The following CMSS1 variants were observed in gnomAD, a reference collection of about 807,000 sequenced individuals.
The protein encoded by CMSS1 is protein CMSS1.
Under a neutral mutation model 43.5 loss-of-function variants are expected in CMSS1, and 33 were observed. The ratio of observed to expected loss-of-function variants is 0.76; its 90% confidence interval spans 0.57 to 1.01. CMSS1 has a LOEUF of 1.01. CMSS1 is among the 50% of genes least tolerant of loss of function. The pLI is 0.00. For synonymous variants in CMSS1, 115 were observed against 117.2 expected, an observed-to-expected ratio of 0.98 and a Z score of 0.12; for missense variants, 313 against 326.4, an observed-to-expected ratio of 0.96 and a Z score of 0.32.
intron 1 of CMSS1, among the ~76,000 whole-genome samples, chr3:100,117,681 A>G (rs75780208): frequency 0.013 from 1,984 of 151,690 alleles, 28 homozygotes; most frequent in Non-Finnish European, 0.02. Flanking sequence ...AAAATATCTC[A>G]GTAATAATGT....
At chr3:99,859,737 T>C (rs1055575071) in intron 1 of CMSS1, among the ~76,000 whole-genome samples, 24 of 149,950 alleles carry the variant, frequency 1.6e-4, no homozygotes, top group African/African-American at 5.7e-4. Flanking sequence ...AGTAATTACA[T>C]GGAATTTATT....
chr3:99,825,164 TTAA>T (rs1453866927), intron 1 of CMSS1, among the ~76,000 whole-genome samples: 1 of 152,216 alleles, frequency 6.6e-6, no homozygotes, highest in Non-Finnish European at 1.5e-5. Context: ...GTAGGAGATG[TTAA>T]TAACACACAA....
At chr3:99,825,108 T>G (rs1942512710) in intron 1 of CMSS1, among the ~76,000 whole-genome samples, 1 of 152,244 alleles carries the variant, frequency 6.6e-6, no homozygotes, top group African/African-American at 2.4e-5. Flanking sequence ...ATTGTAGATG[T>G]TGTAAGGCAT....
At position 99,817,888 on chromosome 3, in the gene CMSS1, G is replaced by C. The variant is rs1163477328; in HGVS notation, c.-92G>C. 1.5e-5 allele frequency: 20 copies of C among 1,369,110 alleles called. No homozygotes were observed. Among genetic ancestry groups the C allele is most frequent in the Non-Finnish European group, 2.0e-5 (19 of 971,958 alleles). The allele number at this position is 1,369,110 out of a possible 1,614,324, so 84.8% of individuals were successfully genotyped here. On this transcript the variant is annotated 5_prime_UTR_variant, in exon 1 of 10. Coordinates refer to ENST00000421999, the MANE Select transcript of CMSS1 (RefSeq NM_032359.4). ...GTGTCTAGCGGGAGCTCCGCGTGTAGCTACGCCGGCCGCCTGGCTTTGAGA... is the reference window on the plus strand; with the variant it reads ...GTGTCTAGCGGGAGCTCCGCGTGTACCTACGCCGGCCGCCTGGCTTTGAGA...
intron 1 of CMSS1, among the ~76,000 whole-genome samples, chr3:100,038,008 G>A (rs548582592): frequency 7.4e-5 from 11 of 149,218 alleles, no homozygotes; most frequent in Admixed American, 2.0e-4. Flanking sequence ...CAGGTGGAGT[G>A]CAGTGGCACA....
At chr3:100,093,188 T>A (rs2066142938) in intron 1 of CMSS1, among the ~76,000 whole-genome samples, 1 of 152,158 alleles carries the variant, frequency 6.6e-6, no homozygotes, top group Admixed American at 6.5e-5. Context: ...CAGGGACCTC[T>A]GGCCTAACAT....
chr3:99,942,870 A>G (rs1337577796), intron 1 of CMSS1, among the ~76,000 whole-genome samples: 1 of 151,982 alleles, frequency 6.6e-6, no homozygotes, highest in Non-Finnish European at 1.5e-5. Flanking sequence ...TTCTTAAAAG[A>G]AAAAAAGAGA....
At chr3:100,017,012 A>G (rs538921836) in intron 1 of CMSS1, among the ~76,000 whole-genome samples, 1 of 152,282 alleles carries the variant, frequency 6.6e-6, no homozygotes, top group African/African-American at 2.4e-5. Flanking sequence ...AGATCTTTAA[A>G]TGGGTTTTTG....
chr3:99,854,570 AT>A (rs1943862431), intron 1 of CMSS1, among the ~76,000 whole-genome samples: 1 of 152,244 alleles, frequency 6.6e-6, no homozygotes, highest in Non-Finnish European at 1.5e-5. Flanking sequence ...CACTGTTGAT[AT>A]TTGGGGCCAG....
chr3:100,083,095 G>A (rs1013930753), intron 1 of CMSS1, among the ~76,000 whole-genome samples: 16 of 152,172 alleles, frequency 1.1e-4, no homozygotes, highest in Non-Finnish European at 2.4e-4. Flanking sequence ...ATAAAATCAT[G>A]TATGGATTTT....
chr3:100,066,935 A>G (rs1004020012), intron 1 of CMSS1, among the ~76,000 whole-genome samples: 2 of 152,162 alleles, frequency 1.3e-5, no homozygotes, highest in African/African-American at 4.8e-5. Context: ...CTCACAGGAT[A>G]TTCTGTTTCA....
intron 1 of CMSS1, among the ~76,000 whole-genome samples, chr3:100,060,026 T>C (rs1199170279): frequency 9.3e-6 from 1 of 107,324 alleles, no homozygotes. Flanking sequence ...GTTTTCCTGC[T>C]GGAGGAGGAC....
At chr3:100,117,854 C>CACATAT (rs1320512565) in intron 1 of CMSS1, among the ~76,000 whole-genome samples, 3 of 90,748 alleles carry the variant, frequency 3.3e-5, no homozygotes, top group Admixed American at 1.2e-4. Flanking sequence ...TATATATATA[C>CACATAT]ATATATATAT....
intron 1 of CMSS1, among the ~76,000 whole-genome samples, chr3:99,949,904 G>A (rs149790441): frequency 5.3e-4 from 81 of 152,270 alleles, no homozygotes; most frequent in African/African-American, 1.9e-3. Flanking sequence ...GTGTGTGTTA[G>A]GGAGGTATCA....
intron 1 of CMSS1, among the ~76,000 whole-genome samples, chr3:99,987,885 A>G (rs1329152827): frequency 6.6e-6 from 1 of 152,352 alleles, no homozygotes; most frequent in East Asian, 1.9e-4. Context: ...AATAATGCAC[A>G]TAGTTCTAGA....
intron 1 of CMSS1, among the ~76,000 whole-genome samples, chr3:99,867,339 C>T (rs1459966775): frequency 6.6e-6 from 1 of 152,114 alleles, no homozygotes; most frequent in African/African-American, 2.4e-5. Context: ...GAATACCATC[C>T]ATTTTTGCCC....
chr3:99,895,378 T>G (rs1706215773), intron 1 of CMSS1, among the ~76,000 whole-genome samples: 1 of 125,422 alleles, frequency 8.0e-6, no homozygotes, highest in Admixed American at 8.0e-5. Context: ...TCAGCAGGAC[T>G]TTTTTTTTTT....
intron 1 of CMSS1, among the ~76,000 whole-genome samples, chr3:100,021,960 T>TGTGTGTGTGTGTGAGA (rs1321185364): frequency 3.2e-5 from 3 of 93,288 alleles, no homozygotes; most frequent in African/African-American, 4.0e-5. Flanking sequence ...TGTGTGTGTG[T>TGTGTGTGTGTGTGAGA]GAGAGAGAGA....
intron 1 of CMSS1, among the ~76,000 whole-genome samples, chr3:99,830,942 C>T (rs556494451): frequency 1.3e-5 from 2 of 152,248 alleles, no homozygotes; most frequent in East Asian, 1.9e-4. Context: ...AGGTTAATTT[C>T]GAATGAGATT....
Sources: allele counts gnomAD v4.1 joint callset (sites outside exome capture counted in the v4.1 genomes callset), GRCh38; gene constraint gnomAD v4.1.1; transcripts MANE v1.5; gene names NCBI Gene and HGNC (gene_info 2026-07-23, HGNC 2026-07-21).